Variants in SNX14 observed in about 807,000 individuals in gnomAD.
SNX14 encodes the protein sorting nexin 14.
A neutral mutation model predicts 133.8 loss-of-function variants in SNX14; 93 were observed. The observed-to-expected ratio is 0.70, with a 90% CI of 0.59 to 0.83. The LOEUF is 0.83. Ranked by LOEUF, SNX14 falls within the 40% of genes least tolerant of loss-of-function variation. SNX14 has a pLI of 0.00. For missense variants in SNX14, 945 were observed against 1,094.9 expected (o/e 0.86, Z 1.93); for synonymous variants, 368 against 365.6 (o/e 1.01, Z -0.07).
intron 6 of SNX14, among the ~76,000 whole-genome samples, chr6:85,559,925 A>T (rs1377833531): frequency 6.6e-6 from 1 of 152,226 alleles, no homozygotes; most frequent in Non-Finnish European, 1.5e-5. Context: ...TATGCAATTC[A>T]AAGCCACCAT....
At chr6:85,537,676 C>G (rs1360344875) in intron 16 of SNX14, among the ~76,000 whole-genome samples, 1 of 152,198 alleles carries the variant, frequency 6.6e-6, no homozygotes, top group African/African-American at 2.4e-5. Context: ...AGGCCAGGCA[C>G]AGTGGCTCAC....
intron 12 of SNX14, among the ~76,000 whole-genome samples, chr6:85,546,871 G>A (rs1188628303): frequency 1.3e-5 from 2 of 149,502 alleles, no homozygotes; most frequent in African/African-American, 2.5e-5. Flanking sequence ...TGAGGCAGGA[G>A]AATCGCTTGA....
chr6:85,590,906 A>T (rs1802559348), intron 1 of SNX14, among the ~76,000 whole-genome samples: 1 of 152,232 alleles, frequency 6.6e-6, no homozygotes, highest in Non-Finnish European at 1.5e-5. Context: ...TTTATCTTGA[A>T]ATGGCAGGCA....
At chr6:85,523,816 G>A (rs1045359671) in intron 21 of SNX14, among the ~76,000 whole-genome samples, 6 of 151,854 alleles carry the variant, frequency 4.0e-5, no homozygotes, top group African/African-American at 1.2e-4. Context: ...AAGAGGTAAT[G>A]GTAAAATTTC....
chr6:85,516,824 G>T (rs1411505117), intron 23 of SNX14, among the ~76,000 whole-genome samples: 2 of 151,930 alleles, frequency 1.3e-5, no homozygotes, highest in Non-Finnish European at 2.9e-5. Context: ...TTTCAGTAGA[G>T]GCAGGGTTTC....
At chr6:85,592,818 T>A (rs1241994145) in intron 1 of SNX14, among the ~76,000 whole-genome samples, 1 of 134,942 alleles carries the variant, frequency 7.4e-6, no homozygotes, top group African/African-American at 2.8e-5. Flanking sequence ...TGAAACCCCG[T>A]CTCTACTAAA....
At chr6:85,531,939 G>C (rs1780442565) in intron 18 of SNX14, among the ~76,000 whole-genome samples, 1 of 151,884 alleles carries the variant, frequency 6.6e-6, no homozygotes, top group South Asian at 2.1e-4. Context: ...GAAGTGGGAG[G>C]ATCACTTGAA....
intron 4 of SNX14, among the ~76,000 whole-genome samples, chr6:85,568,971 T>C (rs1347406596): frequency 2.6e-5 from 4 of 151,886 alleles, no homozygotes; most frequent in Non-Finnish European, 4.4e-5. Context: ...CTTTTCTTTT[T>C]TTTTTTTTTT....
chr6:85,567,771 TCA>T, intron 4 of SNX14, 194 bp from the exon 5 acceptor site: 1 of 360,246 alleles, frequency 2.8e-6, no homozygotes, highest in South Asian at 3.3e-5. Context: ...TGGCTTTAGC[TCA>T]CGAGTTTGAG....
chr6:85,592,709 G>A (rs1160778942), intron 1 of SNX14, among the ~76,000 whole-genome samples: 1 of 152,120 alleles, frequency 6.6e-6, no homozygotes, highest in Non-Finnish European at 1.5e-5. Flanking sequence ...TAGGGATGTG[G>A]CCGGGTGCGG....
At chr6:85,507,940 T>G in intron 27 of SNX14, 28 bp downstream of exon 27, 2 of 1,591,588 alleles carry the variant, frequency 1.3e-6, no homozygotes, top group Non-Finnish European at 1.7e-6. Context: ...CTAGCCAGCA[T>G]GAGTTTACGA....
rs1270966946 is a variant in SNX14, at chr6:85,558,004, T to C, written c.606A>G (p.Ile202Met). ...TCTGTCTGGCTTTAACTATCACTTC[T>C]ATATGCTTCATTGCTGCTTTTAATA... The part of the protein sequence containing the change: ...KKLLKAAMKH[I>M]EVIVKARQKV... Residue 202 changes from isoleucine to methionine, a missense_variant, in exon 7 of 29, where the codon ATA becomes ATG. Around this residue, in one of 3 missense-constraint regions of SNX14, gnomAD observed 514 missense variants for 538.8 expected, o/e 0.95. Transcript: ENST00000314673. The C allele has an allele frequency of 1.9e-6, 3 of 1,595,734 alleles. No homozygotes were observed. The highest frequency in any genetic ancestry group is 1.7e-5 in the Admixed American group (1 of 59,352).
Position 85,573,349 on chromosome 6 carries a change from G to A in SNX14, c.261+909C>T, listed in dbSNP as rs746219348. The stretch of plus-strand genomic sequence containing the variant: ...ACAAAAATTAGCTGGGCCTGGTGGC[G>A]TGTGCCTGTAATCTCAGTTACATGG... On this transcript the variant is annotated intron_variant, in intron 2 of 28. Transcript: ENST00000314673. Among the ~76,000 whole-genome samples, 19 of 152,144 alleles carry A rather than the reference G, an allele frequency of 1.2e-4. 1 individual carries two copies. The highest frequency in any genetic ancestry group is 6.5e-4 in the Admixed American group (10 of 15,274).
chr6:85,568,537 T>C (rs1794622959), intron 4 of SNX14: 1 of 152,100 alleles, frequency 6.6e-6, no homozygotes, highest in Non-Finnish European at 1.5e-5. Context: ...CAAAACAAAA[T>C]AAAACAAACC....
chr6:85,505,967 T>C lies in SNX14; in HGVS notation c.2841A>G (p.Ter947=). ...GTTATTCTATACCAAATCCAAGTGT[T>C]TACATCCAAGATGTCACAGAGGTAA... is the stretch of plus-strand genomic sequence containing the variant. ...KEVTSVTSWM[*] is the part of the protein sequence containing the mutation. Residue 947 remains the stop codon, a stop_retained_variant, in exon 29 of 29, where the codon TAA becomes TAG. Transcript: ENST00000314673. 2.5e-6 allele frequency: 4 copies of C among 1,601,130 alleles called. No individual in the cohort carries two copies. The highest frequency in any genetic ancestry group is 3.4e-6 in the Non-Finnish European group (4 of 1,168,644).
chr6:85,507,215 T>G lies in SNX14; in HGVS notation c.2802+18A>C, dbSNP rs781386483. 3 of 1,599,954 alleles carry G rather than the reference T, an allele frequency of 1.9e-6. No individual in the cohort carries two copies. The East Asian group carries it at 6.7e-5, about 36-fold the overall frequency. On this transcript the variant is annotated intron_variant, in intron 28 of 28. Transcript: ENST00000314673. Reference sequence around the variant, plus strand: ...ACCATTAAGAAAATCATGAATAAAATTACTGCTTTTCAGTTACCTTATTGA... The same window carrying G: ...ACCATTAAGAAAATCATGAATAAAAGTACTGCTTTTCAGTTACCTTATTGA...
intron 21 of SNX14, among the ~76,000 whole-genome samples, chr6:85,525,665 TTA>T (rs1323398025): frequency 8.5e-5 from 13 of 152,098 alleles, no homozygotes; most frequent in African/African-American, 3.1e-4. Flanking sequence ...TTGTAATGCT[TTA>T]TAATACAAAA....
chr6:85,510,884 A>G (rs991861770), intron 26 of SNX14, among the ~76,000 whole-genome samples: 3 of 152,184 alleles, frequency 2.0e-5, no homozygotes, highest in Admixed American at 1.3e-4. Flanking sequence ...GTTGTTCTCA[A>G]TCAATATTGA....
intron 12 of SNX14, 129 bp from the exon 13 acceptor site, chr6:85,543,889 T>G: frequency 4.5e-6 from 2 of 439,866 alleles, no homozygotes; most frequent in Non-Finnish European, 7.2e-6. Context: ...CATCTAAGTT[T>G]TTAAAAAATA....
Sources: gnomAD v4.1 joint callset for allele counts (sites outside exome capture counted in the v4.1 genomes callset) on GRCh38, gnomAD v4.1.1 for gene constraint, gnomAD v4.1.1 regional missense constraint, MANE v1.5 for transcripts, NCBI Gene and HGNC (gene_info 2026-07-23, HGNC 2026-07-21) for gene names.